NCALD: variants seen among roughly 807,000 people sequenced by gnomAD.
The protein encoded by NCALD is neurocalcin-delta.
A neutral mutation model predicts 18.6 loss-of-function variants in NCALD; 10 were observed. The ratio of observed to expected loss-of-function variants is 0.54; its 90% CI spans 0.33 to 0.91. NCALD has a LOEUF of 0.91. NCALD is among the 40% of genes least tolerant of loss of function. The pLI, the probability that NCALD is intolerant of heterozygous loss-of-function variation, is 0.03. For synonymous variants in NCALD, 88 were observed against 87.4 expected (o/e 1.01, Z -0.04); for missense variants, 184 against 247.6 (o/e 0.74, Z 1.72).
At chr8:101,987,818 A>C (rs1820872196) in intron 2 of NCALD, among the ~76,000 whole-genome samples, 1 of 152,208 alleles carries the variant, frequency 6.6e-6, no homozygotes, top group Non-Finnish European at 1.5e-5. Context: ...ACAGACTGAC[A>C]CAGTAGCACA....
In NCALD at chr8:101,732,590, C is replaced by CTTTTTT. The variant is rs576286368; in HGVS notation, c.-19-12948_-19-12943dup. Among the ~76,000 whole-genome samples the CTTTTTT allele has an allele frequency of 1.8e-3, 95 of 53,680 alleles. 6 individuals are homozygous for CTTTTTT. The highest frequency in any genetic ancestry group is 3.2e-3 in the East Asian group (5 of 1,586). 35.2% of individuals were successfully genotyped at this position (53,680 alleles called of 152,430 possible). A position where few individuals can be genotyped will look rare whatever the true frequency, so the allele number is the denominator to read the frequency against. ...AATTCAGAGTATTTCTTTTTCTTTG[C>CTTTTTT]TTTTTTTTTTTTTTTTTTTTTTTTT... is the stretch of plus-strand genomic sequence containing the variant. On this transcript the variant is annotated intron_variant, in intron 1 of 3. Coordinates refer to ENST00000220931, the MANE Select transcript of NCALD (RefSeq NM_032041.3).
intron 2 of NCALD, among the ~76,000 whole-genome samples, chr8:102,015,819 A>G (rs1822064177): frequency 6.6e-6 from 1 of 152,118 alleles, no homozygotes; most frequent in Non-Finnish European, 1.5e-5. Flanking sequence ...AATGTTAATG[A>G]ATTTCTAAAG....
intron 4 of NCALD, among the ~76,000 whole-genome samples, chr8:101,860,331 A>G (rs1815488565): frequency 6.6e-6 from 1 of 152,220 alleles, no homozygotes; most frequent in Non-Finnish European, 1.5e-5. Flanking sequence ...AACACAAGAA[A>G]TAGGGGAATC....
intron 2 of NCALD, among the ~76,000 whole-genome samples, chr8:102,003,461 G>A (rs11896358): frequency 0.018 from 2,714 of 152,224 alleles, 42 homozygotes; most frequent in South Asian, 0.084. Context: ...ACAAGGAGGA[G>A]CAGGTACCAT....
chr8:101,907,016 G>A (rs2131588484), intron 3 of NCALD, among the ~76,000 whole-genome samples: 1 of 152,212 alleles, frequency 6.6e-6, no homozygotes, highest in South Asian at 2.1e-4. Context: ...CTTGCCCTGG[G>A]TTCCAGTGTG....
chr8:101,955,598 G>T (rs1819595020), intron 2 of NCALD, among the ~76,000 whole-genome samples: 1 of 152,144 alleles, frequency 6.6e-6, no homozygotes, highest in South Asian at 2.1e-4. Flanking sequence ...AGTGACTTGG[G>T]CTCACATATT....
chr8:101,689,361 G>A lies in NCALD; in HGVS notation c.530C>T (p.Pro177Leu), dbSNP rs1360923358. The A allele has an allele frequency of 8.7e-6, 14 of 1,613,028 alleles. No individual in the cohort carries two copies. The highest frequency in any genetic ancestry group is 1.2e-5 in the Non-Finnish European group (14 of 1,179,614). ...GCACTGCAGGAGGCGCACAATGGAC[G>A]GGTCGCTTTTGGCTCCTCGGATGAA... ...EEFIRGAKSD[P>L]SIVRLLQCDP... is the part of the protein sequence containing the mutation. The change falls in exon 4 of 4, where the codon CCG becomes CTG. Residue 177 changes from proline to leucine, a missense_variant. Transcript: ENST00000220931. This position sits in a 1 kb window ranked among gnomAD's most constrained non-coding sequence, Gnocchi z 4.4.
At chr8:101,720,428 A>T (rs1816298000) in intron 1 of NCALD, among the ~76,000 whole-genome samples, 1 of 152,232 alleles carries the variant, frequency 6.6e-6, no homozygotes, top group Non-Finnish European at 1.5e-5. Context: ...AGTGATACAT[A>T]GGGAAAAAAA....
chr8:101,719,749 A>G, intron 1 of NCALD, 101 bp from the exon 2 acceptor site: 1 of 1,135,200 alleles, frequency 8.8e-7, no homozygotes, highest in South Asian at 1.7e-5. Flanking sequence ...AAAAACAAAC[A>G]AATAAACTCT....
At chr8:101,805,560 C>G (rs1813067921) in intron 4 of NCALD, among the ~76,000 whole-genome samples, 1 of 152,202 alleles carries the variant, frequency 6.6e-6, no homozygotes, top group Non-Finnish European at 1.5e-5. Flanking sequence ...CTAGAGTCTA[C>G]TATCACTGCC....
chr8:101,874,540 A>C (rs1453676744), intron 4 of NCALD, among the ~76,000 whole-genome samples: 2 of 152,104 alleles, frequency 1.3e-5, no homozygotes, highest in East Asian at 1.9e-4. Flanking sequence ...TTAATCAAAA[A>C]AAAATTTTTT....
At chr8:102,049,255 G>A (rs921528380) in intron 1 of NCALD, among the ~76,000 whole-genome samples, 1 of 152,170 alleles carries the variant, frequency 6.6e-6, no homozygotes, top group African/African-American at 2.4e-5. Flanking sequence ...AGTGAAGGAG[G>A]CAACTTTCCA....
At chr8:102,052,052 T>G (rs995021984) in intron 1 of NCALD, among the ~76,000 whole-genome samples, 7 of 152,230 alleles carry the variant, frequency 4.6e-5, no homozygotes, top group Non-Finnish European at 1.0e-4. Flanking sequence ...GTAATGTTCT[T>G]TGGGTTTTTA....
intron 1 of NCALD, among the ~76,000 whole-genome samples, chr8:101,768,723 C>CAAAAAAAAAA (rs71268528): frequency 2.9e-5 from 4 of 136,844 alleles, no homozygotes; most frequent in Non-Finnish European, 4.7e-5. Flanking sequence ...AACAAAAAAA[C>CAAAAAAAAAA]AAAAAAAAAA....
chr8:102,087,856 C>T (rs572802679), intron 1 of NCALD, among the ~76,000 whole-genome samples: 1 of 152,066 alleles, frequency 6.6e-6, no homozygotes, highest in African/African-American at 2.4e-5. Context: ...TTTCTCTGGC[C>T]TCCCTGAGCT....
chr8:101,772,178 T>C (rs969465848), intron 1 of NCALD, among the ~76,000 whole-genome samples: 1 of 152,170 alleles, frequency 6.6e-6, no homozygotes, highest in African/African-American at 2.4e-5. Context: ...GTCAAACTAG[T>C]TTGGGAAACG....
rs79808269 is a variant in NCALD, at chr8:102,099,682, G to A, written c.-210+24555C>T. On this transcript the variant is annotated intron_variant, in intron 1 of 6. Transcript: ENST00000311028. ...CTCTCAGCTGGGCACCGTGGCTCAC[G>A]CCTATAATCCCAGGATTTTCAGAGG... Among the ~76,000 whole-genome samples the A allele has an allele frequency of 6.9e-4, 105 of 151,418 alleles. 3 individuals carry two copies. The East Asian group carries it at 0.02, about 28-fold the overall frequency.
chr8:102,087,261 A>G (rs376731738), intron 1 of NCALD, among the ~76,000 whole-genome samples: 1 of 152,138 alleles, frequency 6.6e-6, no homozygotes, highest in Non-Finnish European at 1.5e-5. Flanking sequence ...AAGGGACTGT[A>G]GTGAAGAAAC....
intron 4 of NCALD, among the ~76,000 whole-genome samples, chr8:101,821,881 T>TAAAAAAAAAAAAA (rs370878560): frequency 1.7e-5 from 2 of 116,514 alleles, no homozygotes; most frequent in Admixed American, 9.2e-5. Context: ...GGGTTCTAAG[T>TAAAAAAAAAAAAA]AAAAAAAAAA....
Sources: gnomAD v4.1 joint callset for allele counts (sites outside exome capture counted in the v4.1 genomes callset) on GRCh38, gnomAD v4.1.1 for gene constraint, Gnocchi (gnomAD v3.1) non-coding constraint, MANE v1.5 for transcripts, NCBI Gene and HGNC (gene_info 2026-07-23, HGNC 2026-07-21) for gene names.